Variants in CCDC88A observed in about 807,000 individuals in gnomAD.
The protein encoded by CCDC88A is girdin.
CCDC88A carries 54 observed loss-of-function variants against 234.3 expected under a neutral mutation model. The observed-to-expected ratio is 0.23, with a 90% CI of 0.19 to 0.29. The LOEUF (loss-of-function observed/expected upper bound fraction) is 0.29, where lower values mean the gene tolerates loss of function less well. Among genes scored for constraint, CCDC88A ranks in the 10% least tolerant of loss-of-function variants. The pLI, the probability that CCDC88A is intolerant of heterozygous loss-of-function variation, is 1.00. For missense variants in CCDC88A, 1,832 were observed against 2,123.4 expected, an observed-to-expected ratio of 0.86 and a Z score of 2.70; for synonymous variants, 753 against 737.8, an observed-to-expected ratio of 1.02 and a Z score of -0.33.
In CCDC88A at chr2:55,334,018, T is replaced by C. The variant is rs1685221191; in HGVS notation, c.2727+76A>G. The stretch of plus-strand genomic sequence containing the variant: ...ATAAATGATGCAAATTACTGATAGA[T>C]TCCAATAAAACTTAAAGAAACCTTG... On this transcript the variant is annotated intron_variant, in intron 15 of 32. Coordinates refer to ENST00000436346, the MANE Select transcript of CCDC88A (RefSeq NM_001365480.1). This position sits in a 1 kb window ranked among gnomAD's most constrained non-coding sequence, Gnocchi z 6.1. The C allele has an allele frequency of 2.0e-6, 1 of 488,100 alleles. No individual in the cohort carries two copies. Among genetic ancestry groups the C allele is most frequent in the East Asian group, 3.5e-5 (1 of 28,628 alleles). The allele number at this position is 488,100 out of a possible 1,614,324, so 30.2% of individuals were successfully genotyped here. A position where few individuals can be genotyped will look rare whatever the true frequency, so the allele number is the denominator to read the frequency against.
chr2:55,344,521 A>T lies in CCDC88A; in HGVS notation c.1042-7T>A. ...GATTGTCTTCTTTTAATTCCTATAA[A>T]TGTTTATCACAAATGTGTTAATATC... On this transcript the variant is annotated splice_polypyrimidine_tract_variant and splice_region_variant and intron_variant, in intron 10 of 32. Coordinates refer to ENST00000436346, the MANE Select transcript of CCDC88A (RefSeq NM_001365480.1). 6.9e-7 allele frequency: 1 copy of T among 1,457,248 alleles called. No individual in the cohort carries two copies. The highest frequency in any genetic ancestry group is 2.1e-5 in the Admixed American group (1 of 47,972). The allele number at this position is 1,457,248 out of a possible 1,614,324, so 90.3% of individuals were successfully genotyped here. A position where few individuals can be genotyped will look rare whatever the true frequency, so the allele number is the denominator to read the frequency against.
At chr2:55,377,517 T>C (rs1000593784) in intron 3 of CCDC88A, among the ~76,000 whole-genome samples, 2 of 152,074 alleles carry the variant, frequency 1.3e-5, no homozygotes, top group South Asian at 2.1e-4. Context: ...CTGTTTTGTC[T>C]ATATCCTACT....
In CCDC88A at chr2:55,336,818, C is replaced by A; in HGVS notation, c.1519G>T (p.Val507Phe). The A allele has an allele frequency of 6.5e-7, 1 of 1,537,670 alleles. No individual in the cohort carries two copies. Among genetic ancestry groups the A allele is most frequent in the Non-Finnish European group, 8.9e-7 (1 of 1,126,274 alleles). The stretch of plus-strand genomic sequence containing the variant: ...ACAATCTCATTTTCAAGAATCTCAA[C>A]CTAGAGAAAATTAAATCACAAAACA... ...EKENQRLSKK[V>F]EILENEIVQE... The change falls in exon 14 of 33, where the codon GTT becomes TTT. Residue 507 changes from valine to phenylalanine, a missense_variant and splice_region_variant. Physicochemically the swap from Val to Phe is conservative, Grantham distance 50. Transcript: ENST00000436346.
At chr2:55,401,113 T>C (rs1054242605) in intron 2 of CCDC88A, among the ~76,000 whole-genome samples, 6 of 151,750 alleles carry the variant, frequency 4.0e-5, no homozygotes, top group South Asian at 4.2e-4. Context: ...TGAGGGTACA[T>C]AGAAAATTAG....
chr2:55,355,413 G>A, intron 8 of CCDC88A, 166 bp downstream of exon 8: 1 of 613,858 alleles, frequency 1.6e-6, no homozygotes, highest in Non-Finnish European at 2.9e-6. Flanking sequence ...CCTTTAAACT[G>A]TTAAGATTTA....
chr2:55,309,172 G>C lies in CCDC88A; in HGVS notation c.4162C>G (p.Pro1388Ala). Residue 1388 changes from proline to alanine, a missense_variant, in exon 24 of 33, where the codon CCT becomes GCT. Pro to Ala is a conservative substitution (Grantham distance 27, BLOSUM62 -1). Around this residue, in one of 6 missense-constraint regions of CCDC88A, gnomAD observed 1,282 missense variants for 1,543.6 expected, o/e 0.83. Transcript: ENST00000436346. The surrounding 1 kb of genome is among the most constrained non-coding windows in gnomAD (Gnocchi z 5.1). The part of the protein sequence containing the change: ...MDQYKFYDPS[P>A]PRRRGNWITL... ...TTTGGTTAATGGTACCTTCTAGGAG[G>C]AGATGGGTCATAAAATTTGTATTGA... 2 of 1,556,798 alleles carry C rather than the reference G, an allele frequency of 1.3e-6. No homozygotes were observed. The highest frequency in any genetic ancestry group is 1.8e-6 in the Non-Finnish European group (2 of 1,135,002).
chr2:55,403,053 GAA>G (rs1678984090), intron 2 of CCDC88A, among the ~76,000 whole-genome samples: 1 of 151,214 alleles, frequency 6.6e-6, no homozygotes, highest in African/African-American at 2.4e-5. Context: ...AATCTCATCA[GAA>G]AAGTCTTTAA....
chr2:55,390,732 A>C (rs1172907321), intron 2 of CCDC88A, among the ~76,000 whole-genome samples: 1 of 152,190 alleles, frequency 6.6e-6, no homozygotes, highest in Non-Finnish European at 1.5e-5. Flanking sequence ...GAACTTGAGG[A>C]GACAAAGCTG....
intron 19 of CCDC88A, among the ~76,000 whole-genome samples, chr2:55,318,338 G>A (rs184669875): frequency 2.0e-5 from 3 of 152,158 alleles, no homozygotes; most frequent in East Asian, 1.9e-4. Context: ...TCTTTGATTC[G>A]GAGAGGGAAC....
chr2:55,381,250 T>C (rs1307306106), intron 3 of CCDC88A, among the ~76,000 whole-genome samples: 7 of 152,176 alleles, frequency 4.6e-5, no homozygotes, highest in Admixed American at 3.9e-4. Context: ...AATTGCCTAA[T>C]GACACATTTT....
intron 2 of CCDC88A, among the ~76,000 whole-genome samples, chr2:55,389,477 G>T (rs150103001): frequency 2.0e-4 from 31 of 152,266 alleles, no homozygotes; most frequent in African/African-American, 7.0e-4. Context: ...CTCCACACAA[G>T]GATGCAGGAA....
At chr2:55,383,238 T>C (rs1004351727) in intron 3 of CCDC88A, among the ~76,000 whole-genome samples, 13 of 152,122 alleles carry the variant, frequency 8.5e-5, no homozygotes. Flanking sequence ...CTTACCAACC[T>C]ATCAAAAAAA....
intron 17 of CCDC88A, among the ~76,000 whole-genome samples, chr2:55,327,548 GCTAT>G (rs1212201396): frequency 3.3e-5 from 5 of 152,262 alleles, no homozygotes; most frequent in Admixed American, 2.6e-4. Flanking sequence ...ACACTGCCCT[GCTAT>G]CTATTTGTAT....
Position 55,301,225 on chromosome 2 carries a change from A to C in CCDC88A, c.4725T>G (p.Ser1575Arg), listed in dbSNP as rs774049750. The C allele has an allele frequency of 1.3e-6, 2 of 1,594,710 alleles. No individual in the cohort carries two copies. The highest frequency in any genetic ancestry group is 8.6e-7 in the Non-Finnish European group (1 of 1,165,750). ...TCTTACCATGAACTCTTGATCCCGT[A>C]CTAGAATCATCACTAACACCTTGTG... ...ISPQGVSDDS[S>R]TGSRVHASRP... is the part of the protein sequence containing the mutation. The change falls in exon 28 of 33, where the codon AGT (serine) becomes AGG (arginine). Residue 1575 changes from serine to arginine, a missense_variant. By Grantham distance (110) the Ser-to-Arg change is moderately radical. Transcript: ENST00000436346.
intron 3 of CCDC88A, among the ~76,000 whole-genome samples, chr2:55,377,441 G>C (rs977316748): frequency 2.1e-5 from 3 of 145,082 alleles, no homozygotes; most frequent in East Asian, 4.2e-4. Flanking sequence ...TACAGGCATA[G>C]GCCACCGTGC....
Position 55,296,048 on chromosome 2 carries a change from G to T in CCDC88A, c.5100C>A (p.Ser1700=). The T allele has an allele frequency of 6.3e-7, 1 of 1,586,634 alleles. No individual in the cohort carries two copies. The highest frequency in any genetic ancestry group is 1.2e-5 in the South Asian group (1 of 86,392). Residue 1700 remains serine (S), a synonymous_variant, in exon 31 of 33, where the codon TCC becomes TCA. Transcript: ENST00000436346. ...SNKLTSVQIK[S]SSQENLLDEV... ...CATCTAAAAGATTCTCTTGACTTGA[G>T]GACTTTATCTGTTTAAAAAAAAATT...
In CCDC88A at chr2:55,367,528, G is replaced by GTTTTTTTT; in HGVS notation, c.403-3503_403-3496dup. On this transcript the variant is annotated intron_variant, in intron 5 of 32. Coordinates refer to ENST00000436346, the MANE Select transcript of CCDC88A (RefSeq NM_001365480.1). ...TTGCTAGAAATTGTTTTATTTCCTTGTTTTTTTTTAAGAGACTGGGTCTTG... is the reference window on the plus strand; with the variant it reads ...TTGCTAGAAATTGTTTTATTTCCTTGTTTTTTTTTTTTTTTTTAAGAGACTGGGTCTTG... 5.1e-4 allele frequency among the ~76,000 whole-genome samples: 51 copies of GTTTTTTTT among 99,878 alleles called. 7 individuals carry two copies. The highest frequency in any genetic ancestry group is 6.9e-4 in the Admixed American group (6 of 8,666). The allele number at this position is 99,878 out of a possible 152,430, so 65.5% of individuals were successfully genotyped here. A position where few individuals can be genotyped will look rare whatever the true frequency, so the allele number is the denominator to read the frequency against.
intron 25 of CCDC88A, among the ~76,000 whole-genome samples, chr2:55,303,391 CT>C (rs397965492): frequency 1.4e-3 from 188 of 135,450 alleles, no homozygotes; most frequent in Admixed American, 3.2e-3. Flanking sequence ...GGAACATATA[CT>C]TTTTTTTTTT....
At position 55,302,077 on chromosome 2, in the gene CCDC88A, G is replaced by C. The variant is rs1680959504; in HGVS notation, c.4472-5C>G. 1.7e-5 allele frequency: 28 copies of C among 1,610,194 alleles called. No homozygotes were observed. Among genetic ancestry groups the C allele is most frequent in the Non-Finnish European group, 2.3e-5 (27 of 1,176,550 alleles). On this transcript the variant is annotated splice_polypyrimidine_tract_variant and splice_region_variant and intron_variant, in intron 26 of 32. Transcript: ENST00000436346. ...ACTGCACCAGGTCATTCATGGCTGG[G>C]ATGCAAATGAAAGCAAATGAATCAG...
Sources: gnomAD v4.1 joint callset for allele counts (sites outside exome capture counted in the v4.1 genomes callset) on GRCh38, gnomAD v4.1.1 for gene constraint, gnomAD v4.1.1 regional missense constraint, Gnocchi (gnomAD v3.1) non-coding constraint, MANE v1.5 for transcripts, NCBI Gene and HGNC (gene_info 2026-07-23, HGNC 2026-07-21) for gene names.